The following ACER2 variants were observed in gnomAD, a reference collection of about 807,000 sequenced individuals.
ACER2 encodes the protein alkCDase 2.
In ACER2, 26 loss-of-function variants were observed where a neutral mutation model predicts 34.7. The observed-to-expected ratio is 0.75, with a 90% CI of 0.55 to 1.04. ACER2 has a LOEUF of 1.04. Among genes scored for constraint, ACER2 ranks in the 50% least tolerant of loss-of-function variants. The pLI, the probability that ACER2 is intolerant of heterozygous loss-of-function variation, is 0.00. For missense variants in ACER2, 352 were observed against 340.8 expected (o/e 1.03, Z -0.26); for synonymous variants, 138 against 132.1 (o/e 1.04, Z -0.31).
chr9:19,425,749 A>G (rs1205468587), intron 3 of ACER2, among the ~76,000 whole-genome samples: 2 of 152,190 alleles, frequency 1.3e-5, no homozygotes, highest in Admixed American at 1.3e-4. Flanking sequence ...ATTCAGCCCA[A>G]TGAAGATGAG....
At chr9:19,421,382 C>T (rs1178467961) in intron 1 of ACER2, among the ~76,000 whole-genome samples, 1 of 152,098 alleles carries the variant, frequency 6.6e-6, no homozygotes, top group Non-Finnish European at 1.5e-5. Flanking sequence ...GTAGTATATC[C>T]TTTCAATGGA....
rs535733102 is a variant in ACER2 at position 19,439,304 on chromosome 9, A to G, written c.503+4220A>G. On this transcript the variant is annotated intron_variant, in intron 4 of 5. Coordinates refer to ENST00000340967, the MANE Select transcript of ACER2 (RefSeq NM_001010887.3). ...TCCTATGTCCATTTCACTCCTGTAC[A>G]TTGTCCTCTATATTGCTGCTCCCTC... Among the ~76,000 whole-genome samples the G allele has an allele frequency of 3.4e-5, 5 of 146,786 alleles. No homozygotes were observed. In the South Asian group the frequency reaches 8.7e-4, roughly 25 times the overall value.
intron 1 of ACER2, among the ~76,000 whole-genome samples, chr9:19,413,333 T>C (rs1830145256): frequency 6.6e-6 from 1 of 152,242 alleles, no homozygotes; most frequent in Non-Finnish European, 1.5e-5. Context: ...GCGCGGTGGC[T>C]CACGCCTGTA....
intron 1 of ACER2, among the ~76,000 whole-genome samples, chr9:19,410,177 C>T (rs563073270): frequency 1.3e-4 from 20 of 152,322 alleles, no homozygotes; most frequent in African/African-American, 4.6e-4. Context: ...GAGAGAATGT[C>T]TTCAGCAGGA....
chr9:19,441,266 G>A (rs1186937964), intron 4 of ACER2, among the ~76,000 whole-genome samples: 2 of 152,036 alleles, frequency 1.3e-5, no homozygotes, highest in East Asian at 3.9e-4. Context: ...AGCCAGGATG[G>A]TCTCAATCTG....
chr9:19,424,042 C>T, intron 2 of ACER2, 66 bp downstream of exon 2: 5 of 1,250,414 alleles, frequency 4.0e-6, no homozygotes, highest in South Asian at 1.2e-5. Flanking sequence ...AGGAATTCCA[C>T]ACACTTCCTC....
intron 5 of ACER2, among the ~76,000 whole-genome samples, chr9:19,449,447 G>A (rs1798612579): frequency 6.6e-6 from 1 of 152,074 alleles, no homozygotes; most frequent in Non-Finnish European, 1.5e-5. Context: ...TTTCTCATTT[G>A]TCTTTCAGTA....
intron 4 of ACER2, among the ~76,000 whole-genome samples, chr9:19,441,846 T>A (rs551759522): frequency 1.1e-4 from 16 of 152,294 alleles, no homozygotes; most frequent in Middle Eastern, 3.4e-3. Context: ...AAGGATGCCC[T>A]TATTGCTCTT....
At chr9:19,427,462 A>G (rs946562647) in intron 3 of ACER2, among the ~76,000 whole-genome samples, 2 of 152,220 alleles carry the variant, frequency 1.3e-5, no homozygotes, top group African/African-American at 4.8e-5. Flanking sequence ...TTCACTCCCC[A>G]TGACACGGGA....
intron 4 of ACER2, 56 bp downstream of exon 4, chr9:19,435,140 G>T (rs1439157043): frequency 1.9e-6 from 3 of 1,589,918 alleles, no homozygotes; most frequent in Admixed American, 1.7e-5. Context: ...GAACACACCA[G>T]TTCGGGGCTT....
At chr9:19,428,166 T>C (rs1333799910) in intron 3 of ACER2, among the ~76,000 whole-genome samples, 1 of 151,558 alleles carries the variant, frequency 6.6e-6, no homozygotes, top group Non-Finnish European at 1.5e-5. Context: ...TTTTGTTTCA[T>C]TTTGTTTTTT....
chr9:19,430,540 AC>A (rs1434217027), intron 3 of ACER2, among the ~76,000 whole-genome samples: 1 of 152,176 alleles, frequency 6.6e-6, no homozygotes. Context: ...TCTGCTGGCC[AC>A]ATAGCCTCTG....
intron 1 of ACER2, among the ~76,000 whole-genome samples, chr9:19,420,710 T>A (rs1054896244): frequency 5.3e-5 from 8 of 152,178 alleles, no homozygotes; most frequent in African/African-American, 1.7e-4. Flanking sequence ...TAATTTATAA[T>A]AACAGAAATT....
intron 4 of ACER2, among the ~76,000 whole-genome samples, chr9:19,436,612 T>C (rs1473992887): frequency 6.6e-6 from 1 of 152,218 alleles, no homozygotes; most frequent in Non-Finnish European, 1.5e-5. Flanking sequence ...ATCTGAAATT[T>C]GACTTTCTCA....
chr9:19,434,417 C>T (rs1830887159), intron 3 of ACER2, among the ~76,000 whole-genome samples: 1 of 152,368 alleles, frequency 6.6e-6, no homozygotes, highest in Admixed American at 6.5e-5. Context: ...GAGGCCAAGG[C>T]AGGCAGCTGG....
rs891999723 is a variant in ACER2 at position 19,409,976 on chromosome 9, A to AG, written c.108+785dup. On this transcript the variant is annotated intron_variant, in intron 1 of 5. Transcript: ENST00000340967. ...AGTTCTTGTGGTAGGGAAGGGTTGC[A>AG]GCTGGGAGAGGAAATGCCTCTTATT... 1.0e-5 allele frequency: 10 copies of AG among 974,810 alleles called. No individual in the cohort carries two copies. In the African/African-American group the frequency reaches 1.8e-4, roughly 17 times the overall value. The allele number at this position is 974,810 out of a possible 1,614,324, so 60.4% of individuals were successfully genotyped here. A position where few individuals can be genotyped will look rare whatever the true frequency, so the allele number is the denominator to read the frequency against.
chr9:19,424,328 G>A (rs904412497), intron 2 of ACER2: 2 of 967,836 alleles, frequency 2.1e-6, no homozygotes, highest in Admixed American at 6.2e-5. Context: ...ATCCCTCATT[G>A]TTTTGTGAAA....
At position 19,448,327 on chromosome 9, in the gene ACER2, T is replaced by A. The variant is rs114806893; in HGVS notation, c.641+1909T>A. 7.2e-3 allele frequency among the ~76,000 whole-genome samples: 1,097 copies of A among 152,266 alleles called. 17 individuals are homozygous for A. Among genetic ancestry groups the A allele is most frequent in the African/African-American group, 0.025 (1,034 of 41,560 alleles). ...TTGAGCCTGGCCCAAACTTTTTTTT[T>A]AACCAAATACTTAAATCTATACTAC... On this transcript the variant is annotated intron_variant, in intron 5 of 5. Coordinates refer to ENST00000340967, the MANE Select transcript of ACER2 (RefSeq NM_001010887.3).
intron 3 of ACER2, among the ~76,000 whole-genome samples, chr9:19,431,574 T>C (rs1170948879): frequency 6.6e-6 from 1 of 152,214 alleles, no homozygotes; most frequent in African/African-American, 2.4e-5. Context: ...CCAAGGGCCC[T>C]GCACGTGATG....
Sources: allele counts gnomAD v4.1 joint callset (sites outside exome capture counted in the v4.1 genomes callset), GRCh38; gene constraint gnomAD v4.1.1; transcripts MANE v1.5; gene names NCBI Gene and HGNC (gene_info 2026-07-23, HGNC 2026-07-21).